SCAP: variants seen among roughly 807,000 people sequenced by gnomAD.
SCAP encodes the protein sterol regulatory element-binding protein cleavage-activating protein.
SCAP carries 65 observed loss-of-function variants against 123.6 expected under a neutral mutation model. The observed-to-expected ratio is 0.53, with a 90% CI of 0.43 to 0.65. The LOEUF (loss-of-function observed/expected upper bound fraction) is 0.65. Among genes scored for constraint, SCAP ranks in the 30% least tolerant of loss-of-function variants. The pLI is 0.00. For missense variants in SCAP, 1,398 were observed against 1,712.5 expected (o/e 0.82, Z 3.24); for synonymous variants, 740 against 726.3 (o/e 1.02, Z -0.30).
intron 2 of SCAP, among the ~76,000 whole-genome samples, chr3:47,437,006 T>A (rs1024490062): frequency 1.3e-5 from 2 of 152,258 alleles, no homozygotes; most frequent in African/African-American, 4.8e-5. Context: ...TCAAATTCTA[T>A]CTGCTAGATT....
chr3:47,466,368 T>C (rs1302214450), intron 1 of SCAP, among the ~76,000 whole-genome samples: 1 of 152,138 alleles, frequency 6.6e-6, no homozygotes, highest in Non-Finnish European at 1.5e-5. Flanking sequence ...AGTTCATCAG[T>C]ATGATACCTG....
intron 1 of SCAP, among the ~76,000 whole-genome samples, chr3:47,455,975 T>C (rs1707409639): frequency 6.6e-6 from 1 of 152,150 alleles, no homozygotes. Context: ...TAGACCAAAA[T>C]GTACACATAT....
intron 1 of SCAP, among the ~76,000 whole-genome samples, chr3:47,463,716 TA>T (rs1458566187): frequency 1.3e-5 from 2 of 151,988 alleles, no homozygotes; most frequent in Non-Finnish European, 2.9e-5. Context: ...AAAAAAAAAC[TA>T]AAATTAAAAA....
intron 2 of SCAP, among the ~76,000 whole-genome samples, chr3:47,440,925 T>C (rs963877278): frequency 1.3e-5 from 2 of 151,578 alleles, no homozygotes; most frequent in African/African-American, 2.4e-5. Flanking sequence ...TTTTTTGAGA[T>C]GGAGTCTCAC....
intron 1 of SCAP, among the ~76,000 whole-genome samples, chr3:47,473,889 G>A (rs548592415): frequency 1.2e-3 from 189 of 152,296 alleles, no homozygotes; most frequent in Non-Finnish European, 2.0e-3. Flanking sequence ...GAGGGAACGG[G>A]GGAAGGGCCC....
intron 1 of SCAP, among the ~76,000 whole-genome samples, chr3:47,464,261 C>T (rs1303399937): frequency 6.6e-6 from 1 of 152,108 alleles, no homozygotes; most frequent in African/African-American, 2.4e-5. Flanking sequence ...GGTGATCCGC[C>T]TGCCTCGGCC....
At chr3:47,464,354 GCC>G (rs1462903445) in intron 1 of SCAP, among the ~76,000 whole-genome samples, 1 of 150,018 alleles carries the variant, frequency 6.7e-6, no homozygotes, top group Non-Finnish European at 1.5e-5. Context: ...TCACTATGTT[GCC>G]CAGGCTGGGA....
At chr3:47,448,558 T>A (rs1707139803) in intron 1 of SCAP, among the ~76,000 whole-genome samples, 1 of 152,140 alleles carries the variant, frequency 6.6e-6, no homozygotes, top group Non-Finnish European at 1.5e-5. Context: ...TGTTCATTTT[T>A]TTTTTTCATT....
intron 1 of SCAP, among the ~76,000 whole-genome samples, chr3:47,464,509 A>C (rs1707757224): frequency 6.6e-6 from 1 of 152,208 alleles, no homozygotes; most frequent in South Asian, 2.1e-4. Context: ...GAGAAAAACA[A>C]TGATCATCCC....
At chr3:47,469,878 AC>A in intron 1 of SCAP, 1 of 534,126 alleles carries the variant, frequency 1.9e-6, no homozygotes, top group Non-Finnish European at 3.7e-6. Context: ...TCAGATTGGA[AC>A]AAGAAATTAG....
chr3:47,454,155 C>T (rs1359994331), intron 1 of SCAP, among the ~76,000 whole-genome samples: 1 of 151,662 alleles, frequency 6.6e-6, no homozygotes, highest in African/African-American at 2.4e-5. Flanking sequence ...ATCACAAGGT[C>T]AGGAGATTGA....
At chr3:47,474,360 G>A (rs527775970) in intron 1 of SCAP, among the ~76,000 whole-genome samples, 8 of 152,052 alleles carry the variant, frequency 5.3e-5, no homozygotes, top group African/African-American at 1.9e-4. Flanking sequence ...TTCAATTTAT[G>A]ACCAAAAGAA....
chr3:47,434,463 T>G (rs572019069), intron 3 of SCAP, among the ~76,000 whole-genome samples: 18 of 152,298 alleles, frequency 1.2e-4, no homozygotes, highest in Non-Finnish European at 2.2e-4. Context: ...TTTATATCAG[T>G]GTTCGGCCCA....
rs561606396 is a variant in SCAP at position 47,433,407 on chromosome 3, A to G, written c.252+1601T>C. ...CTCCTGATTCCCGAGCCCTCTAGTTATTCTGCACCAACACTTTCTATCATC... is the reference window on the plus strand; with the variant it reads ...CTCCTGATTCCCGAGCCCTCTAGTTGTTCTGCACCAACACTTTCTATCATC... On this transcript the variant is annotated intron_variant, in intron 3 of 22. Transcript: ENST00000265565. 9.2e-5 allele frequency among the ~76,000 whole-genome samples: 14 copies of G among 152,302 alleles called. 1 individual carries two copies. Among genetic ancestry groups the G allele is most frequent in the African/African-American group, 3.1e-4 (13 of 41,564 alleles).
chr3:47,421,636 G>A (rs1357395478), intron 10 of SCAP, among the ~76,000 whole-genome samples: 1 of 152,250 alleles, frequency 6.6e-6, no homozygotes, highest in African/African-American at 2.4e-5. Flanking sequence ...ACCATGGAGT[G>A]CAGATAGTGG....
chr3:47,453,022 G>C (rs957915477), intron 1 of SCAP, among the ~76,000 whole-genome samples: 10 of 152,158 alleles, frequency 6.6e-5, no homozygotes, highest in African/African-American at 1.4e-4. Context: ...CTTGAGCCCA[G>C]GAGGTCAAGG....
At chr3:47,452,567 C>A (rs1188259486) in intron 1 of SCAP, among the ~76,000 whole-genome samples, 1 of 152,210 alleles carries the variant, frequency 6.6e-6, no homozygotes, top group Non-Finnish European at 1.5e-5. Flanking sequence ...CTGTTCTTCA[C>A]AAATGTCCCA....
intron 16 of SCAP, 122 bp from the exon 17 acceptor site, chr3:47,417,948 AGGGTGGTGCG>A: frequency 4.3e-6 from 1 of 235,088 alleles, no homozygotes; most frequent in African/African-American, 7.1e-5. Flanking sequence ...GTGGGGGGAG[AGGGTGGTGCG>A]GGGTGGGGAG....
At chr3:47,415,276 G>A (rs1367089796) in intron 18 of SCAP, 96 bp from the exon 19 acceptor site, 1 of 1,119,222 alleles carries the variant, frequency 8.9e-7, no homozygotes, top group East Asian at 2.6e-5. Flanking sequence ...AGTTCAAGAA[G>A]GCACAGGAGG....
Sources: gnomAD v4.1 joint callset for allele counts (sites outside exome capture counted in the v4.1 genomes callset) on GRCh38, gnomAD v4.1.1 for gene constraint, MANE v1.5 for transcripts, NCBI Gene and HGNC (gene_info 2026-07-23, HGNC 2026-07-21) for gene names.